Variants in TMEM219 observed in about 807,000 individuals in gnomAD.
The protein encoded by TMEM219 is insulin-like growth factor-binding protein 3 receptor.
TMEM219 carries 18 observed loss-of-function variants against 17.9 expected under a neutral mutation model. The observed-to-expected ratio is 1.01, with a 90% CI of 0.70 to 1.49. TMEM219 has a LOEUF of 1.49. Among genes scored for constraint, TMEM219 ranks in the 40% most tolerant of loss-of-function variants. The probability of loss-of-function intolerance (pLI) is 0.00; values close to 1 mark genes in which losing one functional copy is unlikely to be tolerated. For synonymous variants in TMEM219, 113 were observed against 124.0 expected (o/e 0.91, Z 0.59); for missense variants, 288 against 292.4 (o/e 0.99, Z 0.11).
intron 4 of TMEM219, among the ~76,000 whole-genome samples, chr16:29,970,963 A>G (rs1471259195): frequency 2.0e-5 from 3 of 150,720 alleles, no homozygotes; most frequent in Admixed American, 6.6e-5. Flanking sequence ...AAAAAAAAAA[A>G]GGGCCAGGCG....
Position 29,968,215 on chromosome 16 carries a change from G to C in TMEM219, c.546G>C (p.Trp182Cys), listed in dbSNP as rs2069239227. 6.2e-7 allele frequency: 1 copy of C among 1,614,176 alleles called. No homozygotes were observed. Among genetic ancestry groups the C allele is most frequent in the Non-Finnish European group, 8.5e-7 (1 of 1,180,044 alleles). The change falls in exon 4 of 6, where the codon TGG becomes TGC. Residue 182 changes from tryptophan to cysteine, a missense_variant. Physicochemically the swap from Trp to Cys is radical, Grantham distance 215. Coordinates refer to ENST00000279396, the MANE Select transcript of TMEM219 (RefSeq NM_001083613.2). ...TGGGTGAGGAATGTGTTAGTGTCTGGAGCCATGAAGGCCTTGTGCTGACCA... is the reference window on the plus strand; with the variant it reads ...TGGGTGAGGAATGTGTTAGTGTCTGCAGCCATGAAGGCCTTGTGCTGACCA... ...PRMGEECVSV[W>C]SHEGLVLTKL...
chr16:29,968,559 C>G (rs527822555), intron 4 of TMEM219: 1 of 276,668 alleles, frequency 3.6e-6, no homozygotes, highest in Non-Finnish European at 6.9e-6. Flanking sequence ...TTGTTGTTTA[C>G]TATTGTCTTT....
chr16:29,965,918 G>T (rs1220068233), intron 3 of TMEM219, among the ~76,000 whole-genome samples: 1 of 152,060 alleles, frequency 6.6e-6, no homozygotes, highest in African/African-American at 2.4e-5. Context: ...TGTATTTTTA[G>T]TAGAGATGGG....
rs1434808608 is a variant in TMEM219, at chr16:29,963,092, C to T, written c.-37-15C>T. ...AAGCGGTGCTCTTGTCCCATTCTCCCTCCCTGTCTTCCAGCAGGCTCTCCC... is the reference window on the plus strand; with the variant it reads ...AAGCGGTGCTCTTGTCCCATTCTCCTTCCCTGTCTTCCAGCAGGCTCTCCC... On this transcript the variant is annotated splice_polypyrimidine_tract_variant and intron_variant, in intron 1 of 5. Coordinates refer to ENST00000279396, the MANE Select transcript of TMEM219 (RefSeq NM_001083613.2). The T allele has an allele frequency of 6.3e-7, 1 of 1,594,444 alleles. No homozygotes were observed. The highest frequency in any genetic ancestry group is 1.3e-5 in the African/African-American group (1 of 74,772).
At chr16:29,967,935 A>G in intron 3 of TMEM219, 90 bp from the exon 4 acceptor site, 2 of 1,112,670 alleles carry the variant, frequency 1.8e-6, no homozygotes, top group Admixed American at 2.1e-5. Flanking sequence ...TCAAAAAAAA[A>G]AAAAGAAAAT....
intron 4 of TMEM219, among the ~76,000 whole-genome samples, chr16:29,970,566 C>A (rs937259840): frequency 6.6e-5 from 10 of 151,884 alleles, no homozygotes; most frequent in African/African-American, 2.4e-4. Flanking sequence ...CCTCGTGATC[C>A]ACCCACCTCG....
chr16:29,968,876 A>C (rs2150865019), intron 4 of TMEM219, among the ~76,000 whole-genome samples: 1 of 152,310 alleles, frequency 6.6e-6, no homozygotes, highest in East Asian at 1.9e-4. Flanking sequence ...AGAGAAAGGG[A>C]GTGAATTGCT....
chr16:29,972,263 C>T (rs937204324), intron 5 of TMEM219: 2 of 152,194 alleles, frequency 1.3e-5, no homozygotes, highest in Admixed American at 6.5e-5. Context: ...CAACTTGAAC[C>T]GCTCAGAAGA....
Position 29,963,140 on chromosome 16 carries a change from C to T in TMEM219, c.-4C>T. 6.2e-7 allele frequency: 1 copy of T among 1,610,986 alleles called. No individual in the cohort carries two copies. Among genetic ancestry groups the T allele is most frequent in the Non-Finnish European group, 8.5e-7 (1 of 1,179,978 alleles). On this transcript the variant is annotated 5_prime_UTR_variant, in exon 2 of 6. Coordinates refer to ENST00000279396, the MANE Select transcript of TMEM219 (RefSeq NM_001083613.2). ...CCCCGGAGGCTCAGCCCCCTCTGCT[C>T]CCCATGGGCAACTGCCAGGCAGGGC... is the stretch of plus-strand genomic sequence containing the variant.
Position 29,968,116 on chromosome 16 carries a change from A to T in TMEM219, c.447A>T (p.Gly149=). The change falls in exon 4 of 6, where the codon GGA becomes GGT. Residue 149 remains glycine (G), a synonymous_variant. Coordinates refer to ENST00000279396, the MANE Select transcript of TMEM219 (RefSeq NM_001083613.2). ...GCCTATATTTTAGTGCTGTTCCAGG[A>T]ATCCTACCCTCCAGCCAGCCACCCA... The part of the protein sequence containing the change: ...GTCLYFSAVP[G]ILPSSQPPIS... 1 of 1,614,112 alleles carries T rather than the reference A, an allele frequency of 6.2e-7. No individual in the cohort carries two copies. Among genetic ancestry groups the T allele is most frequent in the South Asian group, 1.1e-5 (1 of 91,078 alleles).
intron 3 of TMEM219, among the ~76,000 whole-genome samples, chr16:29,967,618 TAAAG>T (rs939082061): frequency 4.0e-5 from 6 of 149,730 alleles, no homozygotes; most frequent in East Asian, 2.0e-4. Context: ...CTCAAAAAAA[TAAAG>T]AAAGAAAGAA....
At chr16:29,969,817 T>A (rs1014577020) in intron 4 of TMEM219, among the ~76,000 whole-genome samples, 4 of 152,200 alleles carry the variant, frequency 2.6e-5, no homozygotes, top group Non-Finnish European at 5.9e-5. Context: ...TATGACCTGA[T>A]GCTGAAGGCC....
Position 29,963,326 on chromosome 16 carries a change from G to C in TMEM219, c.165+18G>C. On this transcript the variant is annotated intron_variant, in intron 2 of 5. Transcript: ENST00000279396. ...TCCCCCAGGTAAGTTCCCCACCCCC[G>C]TACCCGCTCTTCCTTCCAACCTAGA... 1.2e-6 allele frequency: 2 copies of C among 1,613,442 alleles called. No homozygotes were observed. Among genetic ancestry groups the C allele is most frequent in the Non-Finnish European group, 1.7e-6 (2 of 1,179,728 alleles).
Position 29,963,474 on chromosome 16 carries a change from GC to G in TMEM219, c.241del (p.Arg81GlufsTer9). On this transcript the variant is annotated frameshift_variant, in exon 3 of 6. Transcript: ENST00000279396. LOFTEE classifies it high-confidence loss of function. The stretch of plus-strand genomic sequence containing the variant: ...GGAATGGGACAGTCACAGGGAAGTG[GC>G]GAGGGTCTCACGTCGTGGGCTTGCT... ...PRNGTVTGKW[R>X]GSHVVGLLTT... The G allele has an allele frequency of 6.2e-7, 1 of 1,614,226 alleles. No homozygotes were observed. Among genetic ancestry groups the G allele is most frequent in the Non-Finnish European group, 8.5e-7 (1 of 1,180,032 alleles).
In TMEM219 at chr16:29,971,464, C is replaced by T; in HGVS notation, c.642C>T (p.Leu214=). The T allele has an allele frequency of 6.2e-7, 1 of 1,614,148 alleles. No individual in the cohort carries two copies. Among genetic ancestry groups the T allele is most frequent in the African/African-American group, 1.3e-5 (1 of 75,022 alleles). ...TGGTCTTGGGCTCCTTCCTGCTTCT[C>T]TTCTGTGGCCTTCTCTGCTGTGTCA... is the stretch of plus-strand genomic sequence containing the variant. ...RLLVLGSFLL[L]FCGLLCCVTA... Residue 214 remains leucine (L), a synonymous_variant, in exon 5 of 6, where the codon CTC becomes CTT. Coordinates refer to ENST00000279396, the MANE Select transcript of TMEM219 (RefSeq NM_001083613.2).
intron 3 of TMEM219, among the ~76,000 whole-genome samples, chr16:29,967,558 C>T (rs2069226737): frequency 6.6e-6 from 1 of 152,164 alleles, no homozygotes; most frequent in African/African-American, 2.4e-5. Context: ...CTCCCGTGAG[C>T]TGGGATCGTG....
At chr16:29,970,372 G>A (rs13332642) in intron 4 of TMEM219, among the ~76,000 whole-genome samples, 7 of 148,502 alleles carry the variant, frequency 4.7e-5, no homozygotes, top group African/African-American at 1.7e-4. Flanking sequence ...TCGCCCAGGC[G>A]GGAGTGCAGT....
In TMEM219 at chr16:29,968,275, G is replaced by A. The variant is rs759289609; in HGVS notation, c.585+21G>A. On this transcript the variant is annotated intron_variant, in intron 4 of 5. Transcript: ENST00000279396. The stretch of plus-strand genomic sequence containing the variant: ...CCTCGGTAAGAGCCTCAGATGGGTC[G>A]CCAGGGTTTTGTAGACTGCCTGCTG... The A allele has an allele frequency of 1.8e-5, 29 of 1,594,926 alleles. No individual in the cohort carries two copies. In the East Asian group the frequency reaches 5.2e-4, roughly 28 times the overall value.
Position 29,963,110 on chromosome 16 carries a change from G to A in TMEM219, c.-34G>A, listed in dbSNP as rs541810474. 5 of 1,602,774 alleles carry A rather than the reference G, an allele frequency of 3.1e-6. No individual in the cohort carries two copies. In the South Asian group the frequency reaches 4.4e-5, roughly 14 times the overall value. ...ATTCTCCCTCCCTGTCTTCCAGCAG[G>A]CTCTCCCCGGAGGCTCAGCCCCCTC... is the stretch of plus-strand genomic sequence containing the variant. On this transcript the variant is annotated 5_prime_UTR_variant, in exon 2 of 6. Transcript: ENST00000279396.
Sources: allele counts gnomAD v4.1 joint callset (sites outside exome capture counted in the v4.1 genomes callset), GRCh38; gene constraint gnomAD v4.1.1; transcripts MANE v1.5; gene names NCBI Gene and HGNC (gene_info 2026-07-23, HGNC 2026-07-21).